Variants in TSPEAR observed in about 807,000 individuals in gnomAD.
TSPEAR encodes thrombospondin-type laminin G domain and EAR repeat-containing protein.
TSPEAR carries 69 observed loss-of-function variants against 71.6 expected under a neutral mutation model. The observed-to-expected ratio is 0.96, with a 90% confidence interval of 0.79 to 1.18. The LOEUF (loss-of-function observed/expected upper bound fraction) is 1.18, where lower values mean the gene tolerates loss of function less well. Among genes scored for constraint, TSPEAR ranks in the 50% most tolerant of loss-of-function variants. The probability of loss-of-function intolerance (pLI) is 0.00; values close to 1 mark genes in which losing one functional copy is unlikely to be tolerated. For missense variants in TSPEAR, 971 were observed against 894.9 expected, an observed-to-expected ratio of 1.09 and a Z score of -1.09; for synonymous variants, 402 against 387.2, an observed-to-expected ratio of 1.04 and a Z score of -0.45.
chr21:44,665,791 G>A (rs1985720128), intron 1 of TSPEAR, among the ~76,000 whole-genome samples: 3 of 152,206 alleles, frequency 2.0e-5, no homozygotes, highest in South Asian at 2.1e-4. Context: ...AGTGTGTGCC[G>A]CAGAACTAAT....
At chr21:44,500,044 T>A in intron 11 of TSPEAR, 108 bp from the exon 12 acceptor site, 1 of 1,189,094 alleles carries the variant, frequency 8.4e-7, no homozygotes, top group Non-Finnish European at 1.1e-6. Flanking sequence ...GGGTCACATC[T>A]GAGCCTCTTC....
chr21:44,675,987 CT>C, intron 1 of TSPEAR: 1 of 838,842 alleles, frequency 1.2e-6, no homozygotes, highest in African/African-American at 1.7e-5. Context: ...TCTTGTGCCA[CT>C]TATCTGGATT....
intron 1 of TSPEAR, chr21:44,579,953 C>T: frequency 6.2e-7 from 1 of 1,614,110 alleles, no homozygotes; most frequent in Admixed American, 1.7e-5. Flanking sequence ...GGTGGTGCAG[C>T]AAGCCGGCTG....
intron 1 of TSPEAR, among the ~76,000 whole-genome samples, chr21:44,605,387 T>G (rs1397276132): frequency 6.6e-6 from 1 of 152,196 alleles, no homozygotes; most frequent in Non-Finnish European, 1.5e-5. Context: ...CCTAAAGCTA[T>G]CTACAGATTC....
intron 1 of TSPEAR, among the ~76,000 whole-genome samples, chr21:44,693,315 T>C (rs1211232485): frequency 6.6e-6 from 1 of 152,094 alleles, no homozygotes; most frequent in Non-Finnish European, 1.5e-5. Flanking sequence ...GGTTCTTAGA[T>C]ATTACGCAAG....
Position 44,579,494 on chromosome 21 carries a change from G to C in TSPEAR, c.83-11489C>G, listed in dbSNP as rs587766351. ...GGAGTTTATTGGGGAGCAGGAGGAG[G>C]TGCTGACAGGTTCAAGTCGAGGCCA... is the stretch of plus-strand genomic sequence containing the variant. On this transcript the variant is annotated intron_variant, in intron 1 of 11. Coordinates refer to ENST00000323084, the MANE Select transcript of TSPEAR (RefSeq NM_144991.3). 4 of 573,226 alleles carry C rather than the reference G, an allele frequency of 7.0e-6. No individual in the cohort carries two copies. In the East Asian group the frequency reaches 1.1e-4, roughly 16 times the overall value. The allele number at this position is 573,226 out of a possible 1,614,324, so 35.5% of individuals were successfully genotyped here. A position where few individuals can be genotyped will look rare whatever the true frequency, so the allele number is the denominator to read the frequency against.
intron 1 of TSPEAR, chr21:44,697,176 C>G: frequency 2.5e-6 from 4 of 1,606,328 alleles, no homozygotes; most frequent in Non-Finnish European, 2.6e-6. Context: ...TCCCCCAGCT[C>G]AACCCCCAGC....
chr21:44,636,514 CAT>C (rs1983577813), intron 1 of TSPEAR, among the ~76,000 whole-genome samples: 1 of 152,218 alleles, frequency 6.6e-6, no homozygotes, highest in Non-Finnish European at 1.5e-5. Context: ...TAGAAATTCA[CAT>C]CACATTTCAA....
intron 1 of TSPEAR, among the ~76,000 whole-genome samples, chr21:44,631,658 G>A (rs1041171964): frequency 6.6e-5 from 10 of 152,118 alleles, no homozygotes; most frequent in African/African-American, 1.4e-4. Flanking sequence ...CCTGGGAAGC[G>A]GAGGTTGCAG....
At chr21:44,562,990 T>C (rs1457310912) in intron 2 of TSPEAR, among the ~76,000 whole-genome samples, 3 of 152,220 alleles carry the variant, frequency 2.0e-5, no homozygotes, top group Admixed American at 2.0e-4. Flanking sequence ...TTCTCCTTTA[T>C]TCTCTTAACT....
chr21:44,682,718 C>T (rs782680470), intron 1 of TSPEAR, among the ~76,000 whole-genome samples: 6 of 152,332 alleles, frequency 3.9e-5, no homozygotes, highest in Admixed American at 3.3e-4. Context: ...TCCCATTTCC[C>T]AGCTCTCTGC....
intron 9 of TSPEAR, chr21:44,519,442 A>C (rs1300276403): frequency 1.1e-5 from 1 of 90,326 alleles, no homozygotes; most frequent in Middle Eastern, 3.9e-3. Context: ...TTCGCATCTC[A>C]ACCTCACCAG....
At chr21:44,514,666 C>T (rs1170876255) in intron 9 of TSPEAR, among the ~76,000 whole-genome samples, 9 of 152,240 alleles carry the variant, frequency 5.9e-5, no homozygotes, top group African/African-American at 2.2e-4. Context: ...GCTCAGGGAG[C>T]AGGACCCTGT....
intron 1 of TSPEAR, among the ~76,000 whole-genome samples, chr21:44,578,834 A>G (rs782010819): frequency 1.3e-5 from 2 of 152,030 alleles, no homozygotes; most frequent in Admixed American, 1.3e-4. Flanking sequence ...GCCCATGTCA[A>G]CCTCACCTAA....
At chr21:44,660,958 G>A (rs587758620) in intron 1 of TSPEAR, among the ~76,000 whole-genome samples, 57 of 151,830 alleles carry the variant, frequency 3.8e-4, no homozygotes, top group African/African-American at 1.4e-3. Flanking sequence ...AAAAAGAAAA[G>A]AAAGAAAAGA....
In TSPEAR at chr21:44,687,011, AG is replaced by A. The variant is rs1276286890; in HGVS notation, c.82+24421del. Among the ~76,000 whole-genome samples, 4 of 152,096 alleles carry A rather than the reference AG, an allele frequency of 2.6e-5. No individual in the cohort carries two copies. The highest frequency in any genetic ancestry group is 6.5e-5 in the Admixed American group (1 of 15,270). ...CTGTGGCTGAAGCTGCTGAGTCCAA[AG>A]GGGGTGTCTCCTTCCCAGTAGTTTC... On this transcript the variant is annotated intron_variant, in intron 1 of 11. Coordinates refer to ENST00000323084, the MANE Select transcript of TSPEAR (RefSeq NM_144991.3). The surrounding 1 kb of genome is among the most constrained non-coding windows in gnomAD (Gnocchi z 4.4).
At chr21:44,696,658 C>T (rs965555403) in intron 1 of TSPEAR, among the ~76,000 whole-genome samples, 11 of 152,186 alleles carry the variant, frequency 7.2e-5, no homozygotes, top group African/African-American at 2.7e-4. Context: ...AGAAGAAAAA[C>T]ATCCTTGACT....
In TSPEAR at chr21:44,520,252, T is replaced by C. The variant is rs2052707259; in HGVS notation, c.1566+1631A>G. 1 of 152,080 alleles carries C rather than the reference T, an allele frequency of 6.6e-6. No homozygotes were observed. The highest frequency in any genetic ancestry group is 2.4e-5 in the African/African-American group (1 of 41,406). The allele number at this position is 152,080 out of a possible 1,614,324, so 9.4% of individuals were successfully genotyped here. A position where few individuals can be genotyped will look rare whatever the true frequency, so the allele number is the denominator to read the frequency against. The stretch of plus-strand genomic sequence containing the variant: ...CACAAGGGCAGGCTTCACGTTTCAC[T>C]TGCAGCCTGTGGCTCTGGGTGGTGA... On this transcript the variant is annotated intron_variant, in intron 9 of 11. Transcript: ENST00000323084. The surrounding 1 kb of genome is among the most constrained non-coding windows in gnomAD (Gnocchi z 4.2).
At chr21:44,644,037 GCCCTCCAGACTCACATC>G (rs2146233275) in intron 1 of TSPEAR, among the ~76,000 whole-genome samples, 1 of 152,320 alleles carries the variant, frequency 6.6e-6, no homozygotes, top group South Asian at 2.1e-4. Context: ...GGGCCACCCT[GCCCTCCAGACTCACATC>G]CCCTCCCGGC....
Sources: gnomAD v4.1 joint callset for allele counts (sites outside exome capture counted in the v4.1 genomes callset) on GRCh38, gnomAD v4.1.1 for gene constraint, Gnocchi (gnomAD v3.1) non-coding constraint, MANE v1.5 for transcripts, NCBI Gene and HGNC (gene_info 2026-07-23, HGNC 2026-07-21) for gene names.